The following COL13A1 variants were observed in gnomAD, a reference collection of about 807,000 sequenced individuals.
COL13A1 encodes the protein collagen alpha-1(XIII) chain.
In COL13A1, 89 loss-of-function variants were observed where a neutral mutation model predicts 130.9. The observed-to-expected ratio is 0.68, with a 90% confidence interval of 0.57 to 0.81. The LOEUF (loss-of-function observed/expected upper bound fraction) is 0.81. COL13A1 is among the 30% of genes least tolerant of loss of function. COL13A1 has a pLI of 0.00. For synonymous variants in COL13A1, 402 were observed against 341.6 expected (o/e 1.18, Z -1.95); for missense variants, 879 against 934.6 (o/e 0.94, Z 0.78).
chr10:69,933,135 C>CAAAAAAAAAAAAAAAAAAAAAAAAAAAA (rs34323794), intron 31 of COL13A1, among the ~76,000 whole-genome samples: 14 of 44,426 alleles, frequency 3.2e-4, no homozygotes, highest in Non-Finnish European at 4.5e-4. Context: ...GACTCTGCCT[C>CAAAAAAAAAAAAAAAAAAAAAAAAAAAA]AAAAAAAAAA....
At position 69,824,811 on chromosome 10, in the gene COL13A1, C is replaced by T. The variant is rs148585077; in HGVS notation, c.364+2373C>T. On this transcript the variant is annotated intron_variant, in intron 2 of 40. Transcript: ENST00000645393. ...TTTGGCCCAAAGCATACATCAGAGC[C>T]AGTGGGCAATGCCTGAAGAATTTAA... is the stretch of plus-strand genomic sequence containing the variant. Among the ~76,000 whole-genome samples, 498 of 152,318 alleles carry T rather than the reference C, an allele frequency of 3.3e-3. 2 individuals are homozygous for T. The highest frequency in any genetic ancestry group is 0.011 in the African/African-American group (459 of 41,574).
chr10:69,917,173 A>G, intron 17 of COL13A1, 116 bp from the exon 18 acceptor site: 1 of 1,319,124 alleles, frequency 7.6e-7, no homozygotes, highest in Non-Finnish European at 1.1e-6. Context: ...CTCAGAGCTC[A>G]ACATGAACCG....
intron 40 of COL13A1, among the ~76,000 whole-genome samples, chr10:69,957,363 TAG>T (rs2070950224): frequency 6.6e-6 from 1 of 152,254 alleles, no homozygotes; most frequent in Admixed American, 6.5e-5. Flanking sequence ...ATCACACTCA[TAG>T]AGTTCCTCTA....
intron 2 of COL13A1, among the ~76,000 whole-genome samples, chr10:69,828,091 A>G (rs1451314114): frequency 6.6e-6 from 1 of 152,236 alleles, no homozygotes; most frequent in Non-Finnish European, 1.5e-5. Context: ...CCTGCTTTAC[A>G]TGCAAATAAT....
chr10:69,806,953 G>A (rs1427041591), intron 1 of COL13A1, among the ~76,000 whole-genome samples: 1 of 152,224 alleles, frequency 6.6e-6, no homozygotes, highest in African/African-American at 2.4e-5. Flanking sequence ...TTTGCAGTGA[G>A]CTGAGATCGA....
intron 34 of COL13A1, 37 bp downstream of exon 34, chr10:69,937,752 A>T: frequency 3.2e-6 from 3 of 932,032 alleles, no homozygotes; most frequent in Non-Finnish European, 5.4e-6. Flanking sequence ...GGTGGGTTTG[A>T]TGGGCCAGGG....
Position 69,898,696 on chromosome 10 carries a change from G to A in COL13A1, c.685-1G>A. ...GCCCTCCAACTCATCTTTCTCCTCA[G>A]CTGCTGCCTCTCCTCAATTCAGTGC... On this transcript the variant is annotated splice_acceptor_variant, in intron 13 of 40. Transcript: ENST00000645393. LOFTEE classifies it high-confidence loss of function. The A allele has an allele frequency of 6.2e-7, 1 of 1,612,974 alleles. No homozygotes were observed. The highest frequency in any genetic ancestry group is 8.5e-7 in the Non-Finnish European group (1 of 1,179,472).
intron 2 of COL13A1, among the ~76,000 whole-genome samples, chr10:69,861,159 GGGGGCA>G (rs1352331686): frequency 6.6e-6 from 1 of 152,194 alleles, no homozygotes; most frequent in African/African-American, 2.4e-5. Flanking sequence ...AGGAAGTGAA[GGGGGCA>G]CCTCCAGATT....
chr10:69,917,952 T>C (rs1454044641), intron 18 of COL13A1, among the ~76,000 whole-genome samples: 3 of 150,776 alleles, frequency 2.0e-5, no homozygotes. Flanking sequence ...CCAACGAAGC[T>C]CCCCCTTCCA....
intron 2 of COL13A1, among the ~76,000 whole-genome samples, chr10:69,844,090 T>C (rs1852346460): frequency 6.6e-6 from 1 of 152,212 alleles, no homozygotes; most frequent in African/African-American, 2.4e-5. Flanking sequence ...CCCTGAGGGC[T>C]TCCCGGAAGA....
chr10:69,826,958 A>G (rs1466389390), intron 2 of COL13A1, among the ~76,000 whole-genome samples: 1 of 152,198 alleles, frequency 6.6e-6, no homozygotes, highest in Non-Finnish European at 1.5e-5. Context: ...TCTGCTCACA[A>G]CCCATTGGCC....
chr10:69,837,890 G>T (rs1850524959), intron 2 of COL13A1, among the ~76,000 whole-genome samples: 1 of 152,222 alleles, frequency 6.6e-6, no homozygotes, highest in Non-Finnish European at 1.5e-5. Flanking sequence ...CTGTAGTGGG[G>T]CTGGATGTTC....
chr10:69,858,244 A>G (rs1431192389), intron 2 of COL13A1, among the ~76,000 whole-genome samples: 5 of 152,118 alleles, frequency 3.3e-5, no homozygotes, highest in Non-Finnish European at 7.3e-5. Flanking sequence ...TTCTGACTTC[A>G]TAACCATAAC....
intron 15 of COL13A1, among the ~76,000 whole-genome samples, chr10:69,904,224 C>G (rs371029485): frequency 1.4e-4 from 22 of 152,252 alleles, no homozygotes; most frequent in Non-Finnish European, 4.4e-5. Flanking sequence ...ACCCCACCCC[C>G]CTCCTAACAC....
chr10:69,816,518 A>T (rs1016362099), intron 1 of COL13A1, among the ~76,000 whole-genome samples: 3 of 152,130 alleles, frequency 2.0e-5, no homozygotes, highest in African/African-American at 2.4e-5. Context: ...CTTTGAAGCC[A>T]TCAGACTGGA....
At chr10:69,835,661 G>C (rs950829643) in intron 2 of COL13A1, among the ~76,000 whole-genome samples, 2 of 152,190 alleles carry the variant, frequency 1.3e-5, no homozygotes, top group African/African-American at 4.8e-5. Flanking sequence ...GGGTTAGGCA[G>C]TGGCAGGGTT....
At chr10:69,882,882 C>T (rs2060280395) in intron 7 of COL13A1, among the ~76,000 whole-genome samples, 1 of 152,200 alleles carries the variant, frequency 6.6e-6, no homozygotes. Flanking sequence ...GCAGCCCCCT[C>T]AGCTCCTTCC....
Position 69,902,305 on chromosome 10 carries a change from T to C in COL13A1, c.751-443T>C, listed in dbSNP as rs116743053. ...AAGCTGAGACAGGAAACGAGGGCTA[T>C]TGTTCCCATTCTATGGCTGAGAGAC... On this transcript the variant is annotated intron_variant, in intron 14 of 40. Transcript: ENST00000645393. 3.8e-3 allele frequency among the ~76,000 whole-genome samples: 584 copies of C among 152,336 alleles called. 4 individuals carry two copies. The highest frequency in any genetic ancestry group is 0.014 in the African/African-American group (565 of 41,560).
intron 17 of COL13A1, among the ~76,000 whole-genome samples, chr10:69,908,484 G>A (rs950838734): frequency 6.6e-6 from 1 of 152,196 alleles, no homozygotes; most frequent in African/African-American, 2.4e-5. Flanking sequence ...GAGTTGCAGG[G>A]CAGCAGAGGG....
Sources: allele counts gnomAD v4.1 joint callset (sites outside exome capture counted in the v4.1 genomes callset), GRCh38; gene constraint gnomAD v4.1.1; transcripts MANE v1.5; gene names NCBI Gene and HGNC (gene_info 2026-07-23, HGNC 2026-07-21).